CSMD1: variants seen among roughly 807,000 people sequenced by gnomAD.
The protein encoded by CSMD1 is CUB and Sushi multiple domains 1.
A neutral mutation model predicts 417.5 loss-of-function variants in CSMD1; 213 were observed. The observed-to-expected ratio is 0.51, with a 90% CI of 0.46 to 0.57. The LOEUF is 0.57. CSMD1 is among the 20% of genes least tolerant of loss of function. The pLI, the probability that CSMD1 is intolerant of heterozygous loss-of-function variation, is 0.00. For synonymous variants in CSMD1, 2,862 were observed against 1,736.8 expected, an observed-to-expected ratio of 1.65 and a Z score of -16.11; for missense variants, 6,923 against 4,529.7, an observed-to-expected ratio of 1.53 and a Z score of -15.17.
intron 2 of CSMD1, among the ~76,000 whole-genome samples, chr8:4,634,557 T>C (rs889368691): frequency 6.6e-6 from 1 of 152,196 alleles, no homozygotes; most frequent in Non-Finnish European, 1.5e-5. Context: ...GCAATAACTT[T>C]TGTGACATCT....
At chr8:4,511,385 C>G (rs564062012) in intron 2 of CSMD1, among the ~76,000 whole-genome samples, 1 of 152,180 alleles carries the variant, frequency 6.6e-6, no homozygotes, top group Non-Finnish European at 1.5e-5. Context: ...GAATACAAAT[C>G]AGGATTCTTT....
intron 3 of CSMD1, among the ~76,000 whole-genome samples, chr8:4,038,083 C>G (rs906950035): frequency 6.6e-6 from 1 of 151,968 alleles, no homozygotes; most frequent in African/African-American, 2.4e-5. Context: ...AGTAAAATAA[C>G]TCAGCAAATG....
At chr8:3,746,556 C>A (rs1168566570) in intron 6 of CSMD1, among the ~76,000 whole-genome samples, 1 of 152,182 alleles carries the variant, frequency 6.6e-6, no homozygotes, top group African/African-American at 2.4e-5. Flanking sequence ...CTGGCATGAA[C>A]TCAAATGTTC....
At chr8:4,908,726 G>GTTTT (rs60829904) in intron 1 of CSMD1, among the ~76,000 whole-genome samples, 152,116 of 152,182 alleles carry the variant, frequency 1, 76,025 homozygotes, top group Middle Eastern at 1. Flanking sequence ...CTGTCACCAT[G>GTTTT]TTATTTTCTA....
intron 10 of CSMD1, among the ~76,000 whole-genome samples, chr8:3,545,527 T>C (rs1483742678): frequency 6.6e-6 from 1 of 152,222 alleles, no homozygotes; most frequent in African/African-American, 2.4e-5. Context: ...CTGTTCGGTA[T>C]AATTTCACCA....
intron 10 of CSMD1, among the ~76,000 whole-genome samples, chr8:3,536,728 G>A (rs1798216371): frequency 6.6e-6 from 1 of 152,164 alleles, no homozygotes; most frequent in Non-Finnish European, 1.5e-5. Context: ...CGGTCTTGCA[G>A]GTGGCAGGAG....
At chr8:4,942,903 C>G (rs749368367) in intron 1 of CSMD1, among the ~76,000 whole-genome samples, 5 of 152,176 alleles carry the variant, frequency 3.3e-5, no homozygotes, top group Non-Finnish European at 5.9e-5. Context: ...AAGATATAAA[C>G]ATTGAAACAA....
rs544674488 is a variant in CSMD1, at chr8:3,216,629, C to T, written c.4673-1938G>A. ...TTTTAGTTCCATTACTGACTTGTCA[C>T]TTCAGGATGTTCCGTGATAAATCAC... On this transcript the variant is annotated intron_variant, in intron 29 of 69. Coordinates refer to ENST00000635120, the MANE Select transcript of CSMD1 (RefSeq NM_033225.6). Among the ~76,000 whole-genome samples the T allele has an allele frequency of 4.6e-5, 7 of 152,268 alleles. No individual in the cohort carries two copies. In the South Asian group the frequency reaches 1.2e-3, roughly 27 times the overall value.
At chr8:4,811,137 A>G (rs1312383445) in intron 1 of CSMD1, among the ~76,000 whole-genome samples, 1 of 152,220 alleles carries the variant, frequency 6.6e-6, no homozygotes, top group African/African-American at 2.4e-5. Flanking sequence ...TGATCAAGTG[A>G]GAAAAATAAG....
intron 2 of CSMD1, among the ~76,000 whole-genome samples, chr8:4,439,502 A>G (rs995521872): frequency 6.6e-6 from 1 of 151,974 alleles, no homozygotes; most frequent in South Asian, 2.1e-4. Flanking sequence ...ACAAGCTGAG[A>G]TAGCTATATA....
intron 2 of CSMD1, among the ~76,000 whole-genome samples, chr8:4,588,048 G>A (rs184584218): frequency 1.6e-4 from 24 of 152,206 alleles, no homozygotes; most frequent in African/African-American, 5.3e-4. Flanking sequence ...ACTAACAAAA[G>A]GAGCAAGGTA....
chr8:3,058,688 GA>G (rs988931423), intron 49 of CSMD1, among the ~76,000 whole-genome samples: 4 of 151,988 alleles, frequency 2.6e-5, no homozygotes, highest in Non-Finnish European at 5.9e-5. Context: ...ACATCTGGGG[GA>G]GGGGGAGATT....
intron 3 of CSMD1, among the ~76,000 whole-genome samples, chr8:4,066,699 G>C (rs13277896): frequency 0.16 from 24,009 of 152,046 alleles, 2,577 homozygotes; most frequent in East Asian, 0.35. Context: ...CCTGAAATTA[G>C]ATGATAGTAT....
At chr8:4,989,580 C>A (rs1003469035) in intron 1 of CSMD1, among the ~76,000 whole-genome samples, 3 of 152,204 alleles carry the variant, frequency 2.0e-5, no homozygotes, top group Non-Finnish European at 4.4e-5. Flanking sequence ...TCTTAGTTAT[C>A]TTACAGAGCG....
intron 3 of CSMD1, among the ~76,000 whole-genome samples, chr8:4,287,656 G>GTATTATTATTAT (rs57908266): frequency 0.051 from 7,395 of 146,038 alleles, 247 homozygotes; most frequent in South Asian, 0.081. Context: ...GTCATAGGTG[G>GTATTATTATTAT]TATTATTATT....
intron 5 of CSMD1, among the ~76,000 whole-genome samples, chr8:3,838,845 A>G (rs1338869201): frequency 1.6e-5 from 2 of 121,338 alleles, no homozygotes; most frequent in Non-Finnish European, 3.2e-5. Context: ...TTAATTATAT[A>G]TACTATTATA....
chr8:4,652,708 C>A lies in CSMD1; in HGVS notation c.86-15150G>T, dbSNP rs548122827. On this transcript the variant is annotated intron_variant, in intron 1 of 69. Transcript: ENST00000635120. ...CTTCAGCCATCAGGGCAATCCCAAG[C>A]GCAGTGACAAGCTCTAGAGCAGCAG... Among the ~76,000 whole-genome samples the A allele has an allele frequency of 1.9e-3, 293 of 152,180 alleles. 1 individual carries two copies. The highest frequency in any genetic ancestry group is 6.4e-3 in the African/African-American group (266 of 41,504).
At position 4,656,654 on chromosome 8, in the gene CSMD1, G is replaced by C. The variant is rs150188883; in HGVS notation, c.86-19096C>G. ...ACTAATTTTAGTTTCAAAGTTCTCT[G>C]AGATAGTCTATCATCACCGAATACA... On this transcript the variant is annotated intron_variant, in intron 1 of 69. Transcript: ENST00000635120. 2.6e-5 allele frequency among the ~76,000 whole-genome samples: 4 copies of C among 151,522 alleles called. No individual in the cohort carries two copies. In the East Asian group the frequency reaches 7.7e-4, roughly 29 times the overall value.
At chr8:4,838,425 G>C (rs527381156) in intron 1 of CSMD1, among the ~76,000 whole-genome samples, 2 of 152,316 alleles carry the variant, frequency 1.3e-5, no homozygotes, top group East Asian at 1.9e-4. Flanking sequence ...TGGTAATTAA[G>C]CATAGCTCAA....
Sources: gnomAD v4.1 joint callset for allele counts (sites outside exome capture counted in the v4.1 genomes callset) on GRCh38, gnomAD v4.1.1 for gene constraint, MANE v1.5 for transcripts, NCBI Gene and HGNC (gene_info 2026-07-23, HGNC 2026-07-21) for gene names.